AOAH: variants seen among roughly 807,000 people sequenced by gnomAD.
AOAH encodes the protein acyloxyacyl hydrolase (neutrophil).
AOAH carries 64 observed loss-of-function variants against 92.2 expected under a neutral mutation model. That is an observed-to-expected ratio of 0.69 (90% CI 0.57 to 0.86). AOAH has a LOEUF of 0.86. Ranked by LOEUF, AOAH falls within the 40% of genes least tolerant of loss-of-function variation. The pLI is 0.00. For missense variants in AOAH, 656 were observed against 694.6 expected, an observed-to-expected ratio of 0.94 and a Z score of 0.62; for synonymous variants, 263 against 254.5, an observed-to-expected ratio of 1.03 and a Z score of -0.32.
intron 19 of AOAH, among the ~76,000 whole-genome samples, chr7:36,526,800 C>A (rs1442216653): frequency 6.6e-6 from 1 of 152,150 alleles, no homozygotes; most frequent in Non-Finnish European, 1.5e-5. Context: ...ACTTGTTCAT[C>A]AAACACTGTT....
chr7:36,706,410 C>T (rs532379897), intron 1 of AOAH, among the ~76,000 whole-genome samples: 1 of 152,142 alleles, frequency 6.6e-6, no homozygotes, highest in Non-Finnish European at 1.5e-5. Flanking sequence ...AACAAATTTG[C>T]CGTTATCCAA....
At chr7:36,547,749 A>G (rs913285887) in intron 15 of AOAH, among the ~76,000 whole-genome samples, 9 of 152,148 alleles carry the variant, frequency 5.9e-5, no homozygotes, top group African/African-American at 1.7e-4. Flanking sequence ...GATTTTGAGA[A>G]ACCTCCCCAA....
Position 36,533,870 on chromosome 7 carries a change from T to C in AOAH, c.1307-1526A>G, listed in dbSNP as rs370138800. Among the ~76,000 whole-genome samples the C allele has an allele frequency of 4.6e-5, 7 of 152,096 alleles. No homozygotes were observed. In the East Asian group the frequency reaches 1.4e-3, roughly 29 times the overall value. On this transcript the variant is annotated intron_variant, in intron 16 of 20. Transcript: ENST00000617537. ...GTTGCGGCCTTCCGTCTCCCCACCT[T>C]CTGTGAGGGCCCAGTGTCTGGCTGC...
At chr7:36,633,646 G>A (rs1283672982) in intron 5 of AOAH, among the ~76,000 whole-genome samples, 1 of 152,156 alleles carries the variant, frequency 6.6e-6, no homozygotes. Context: ...AGGACGGGGA[G>A]CAGGGGCCTG....
intron 19 of AOAH, among the ~76,000 whole-genome samples, chr7:36,522,861 G>T (rs1784175632): frequency 6.6e-6 from 1 of 152,132 alleles, no homozygotes; most frequent in Admixed American, 6.5e-5. Context: ...CAGTGAGGGG[G>T]GCAGGCACAA....
intron 13 of AOAH, among the ~76,000 whole-genome samples, chr7:36,575,441 G>A (rs374598030): frequency 2.8e-4 from 42 of 152,104 alleles, no homozygotes; most frequent in African/African-American, 9.2e-4. Flanking sequence ...ATATTTTAAC[G>A]CATTTGGTAT....
At chr7:36,590,674 T>C (rs1789679893) in intron 12 of AOAH, among the ~76,000 whole-genome samples, 1 of 152,182 alleles carries the variant, frequency 6.6e-6, no homozygotes, top group African/African-American at 2.4e-5. Flanking sequence ...CTGATCATGA[T>C]GGTAGGAAGC....
chr7:36,702,040 C>A (rs565913406), intron 1 of AOAH, among the ~76,000 whole-genome samples: 5 of 152,162 alleles, frequency 3.3e-5, no homozygotes, highest in African/African-American at 1.2e-4. Flanking sequence ...GACTTCACAA[C>A]TTTGCTCTAA....
chr7:36,720,388 G>T (rs1201076473), intron 1 of AOAH, among the ~76,000 whole-genome samples: 3 of 151,680 alleles, frequency 2.0e-5, no homozygotes, highest in East Asian at 3.9e-4. Flanking sequence ...GACCAGGCAG[G>T]TCTCAATCTG....
chr7:36,703,096 G>T (rs756672266), intron 1 of AOAH, among the ~76,000 whole-genome samples: 8 of 152,098 alleles, frequency 5.3e-5, no homozygotes, highest in Non-Finnish European at 1.0e-4. Flanking sequence ...ATTTTATCAT[G>T]AGATTGCAGC....
At chr7:36,548,480 C>T in intron 15 of AOAH, 132 bp downstream of exon 15, 3 of 714,440 alleles carry the variant, frequency 4.2e-6, no homozygotes, top group East Asian at 3.2e-5. Context: ...GCCCCTGTGC[C>T]CGGCCGTGCT....
In AOAH at chr7:36,616,730, T is replaced by C. The variant is rs534641412; in HGVS notation, c.752-256A>G. On this transcript the variant is annotated intron_variant, in intron 10 of 20. Coordinates refer to ENST00000617537, the MANE Select transcript of AOAH (RefSeq NM_001637.4). Reference sequence around the variant, plus strand: ...TTTCCCAGCTCAGCATAAAACATCTTGAGTGAATGATGGATGAATAAGTGA... The same window carrying C: ...TTTCCCAGCTCAGCATAAAACATCTCGAGTGAATGATGGATGAATAAGTGA... Among the ~76,000 whole-genome samples the C allele has an allele frequency of 2.7e-4, 41 of 152,312 alleles. No individual in the cohort carries two copies. In the South Asian group the frequency reaches 8.1e-3, roughly 30 times the overall value.
chr7:36,678,614 C>CTT (rs1562688386), intron 2 of AOAH, among the ~76,000 whole-genome samples: 9 of 119,530 alleles, frequency 7.5e-5, no homozygotes, highest in African/African-American at 2.9e-4. Context: ...CGCGCGCGCG[C>CTT]GTTAGAATTC....
intron 13 of AOAH, among the ~76,000 whole-genome samples, chr7:36,575,303 T>A (rs1788410194): frequency 6.6e-6 from 1 of 152,318 alleles, no homozygotes; most frequent in East Asian, 1.9e-4. Flanking sequence ...TGAGACAACG[T>A]GGGTAGAAGT....
At chr7:36,675,679 C>T (rs1796209268) in intron 2 of AOAH, among the ~76,000 whole-genome samples, 1 of 152,138 alleles carries the variant, frequency 6.6e-6, no homozygotes, top group Admixed American at 6.5e-5. Context: ...ATACTAAAAC[C>T]AGAAACCTTC....
rs201043826 is a variant in AOAH at position 36,658,399 on chromosome 7, C to T, written c.390+767G>A. On this transcript the variant is annotated intron_variant, in intron 4 of 20. Coordinates refer to ENST00000617537, the MANE Select transcript of AOAH (RefSeq NM_001637.4). ...AAAGAAGGCAAAGAATTTTTTTTCA[C>T]GGGCAGCTCCTGAAAATTAATATTC... Among the ~76,000 whole-genome samples the T allele has an allele frequency of 1.4e-4, 21 of 152,022 alleles. No individual in the cohort carries two copies. The East Asian group carries it at 3.3e-3, about 24-fold the overall frequency.
intron 4 of AOAH, among the ~76,000 whole-genome samples, chr7:36,657,687 G>T (rs913965249): frequency 5.3e-5 from 8 of 152,222 alleles, no homozygotes; most frequent in African/African-American, 1.9e-4. Flanking sequence ...AGCTGGGGTA[G>T]AAGGTGGCGG....
At chr7:36,544,407 T>C (rs934707509) in intron 15 of AOAH, among the ~76,000 whole-genome samples, 10 of 152,130 alleles carry the variant, frequency 6.6e-5, no homozygotes, top group African/African-American at 2.4e-4. Context: ...TGGGCTGAGC[T>C]GAAGGTGTCT....
intron 1 of AOAH, among the ~76,000 whole-genome samples, chr7:36,708,416 T>C (rs1798561180): frequency 6.6e-6 from 1 of 152,174 alleles, no homozygotes; most frequent in South Asian, 2.1e-4. Flanking sequence ...TATATCTCTA[T>C]TGAAATTTTT....
Sources: allele counts gnomAD v4.1 joint callset (sites outside exome capture counted in the v4.1 genomes callset), GRCh38; gene constraint gnomAD v4.1.1; transcripts MANE v1.5; gene names NCBI Gene and HGNC (gene_info 2026-07-23, HGNC 2026-07-21).